UBASH3A: variants seen among roughly 807,000 people sequenced by gnomAD.
UBASH3A encodes ubiquitin-associated and SH3 domain-containing protein A.
Under a neutral mutation model 73.5 loss-of-function variants are expected in UBASH3A, and 63 were observed. The observed-to-expected ratio is 0.86, with a 90% CI of 0.70 to 1.06. UBASH3A has a LOEUF of 1.06. Among genes scored for constraint, UBASH3A ranks in the 50% least tolerant of loss-of-function variants. The probability of loss-of-function intolerance (pLI) is 0.00; values close to 1 mark genes in which losing one functional copy is unlikely to be tolerated. For missense variants in UBASH3A, 860 were observed against 859.0 expected (o/e 1.00, Z -0.02); for synonymous variants, 363 against 351.1 (o/e 1.03, Z -0.38).
chr21:42,425,393 G>A (rs987568262), intron 7 of UBASH3A, among the ~76,000 whole-genome samples: 5 of 152,206 alleles, frequency 3.3e-5, no homozygotes, highest in Admixed American at 1.3e-4. Flanking sequence ...GCGAGCCGCA[G>A]GGAGGCTGTG....
chr21:42,409,557 G>A lies in UBASH3A; in HGVS notation c.303G>A (p.Lys101=), dbSNP rs897284396. 2.5e-6 allele frequency: 4 copies of A among 1,614,086 alleles called. 1 individual carries two copies. In the Middle Eastern group the frequency reaches 5.0e-4, roughly 200 times the overall value. The stretch of plus-strand genomic sequence containing the variant: ...GAGAGAGCAAGCGCCAGTGTGCAAA[G>A]AACAGAGCTCATGAGGTCTTCCCAC... The part of the protein sequence containing the change: ...FWRESKRQCA[K]NRAHEVFPHV... The change falls in exon 3 of 15, where the codon AAG becomes AAA. Residue 101 remains lysine (K), a synonymous_variant. Transcript: ENST00000319294.
intron 3 of UBASH3A, among the ~76,000 whole-genome samples, 158 bp from the exon 4 acceptor site, chr21:42,412,866 C>T (rs1207383830): frequency 2.0e-5 from 3 of 152,190 alleles, no homozygotes; most frequent in Non-Finnish European, 2.9e-5. Flanking sequence ...TAGAACAAAT[C>T]CATAACCCCA....
intron 1 of UBASH3A, among the ~76,000 whole-genome samples, chr21:42,404,735 A>C (rs2052935125): frequency 1.3e-5 from 2 of 152,210 alleles, no homozygotes; most frequent in African/African-American, 4.8e-5. Flanking sequence ...TGCCCGGGGA[A>C]AGTCACTTGT....
intron 13 of UBASH3A, among the ~76,000 whole-genome samples, chr21:42,444,272 C>T (rs755889106): frequency 6.6e-5 from 10 of 152,202 alleles, no homozygotes; most frequent in Non-Finnish European, 1.2e-4. Context: ...AGGCAGCCAG[C>T]GACCACAGGG....
rs777187996 is a variant in UBASH3A, at chr21:42,404,005, C to A, written c.60C>A (p.Ser20Arg). Residue 20 changes from serine (S) to arginine (R), a missense_variant, in exon 1 of 15, where the codon AGC becomes AGA. Physicochemically the swap from Ser to Arg is moderately radical, Grantham distance 110. Coordinates refer to ENST00000319294, the MANE Select transcript of UBASH3A (RefSeq NM_018961.4). ...TCTCCAACAAGCTCAAGAGCCGCAG[C>A]AGCCCCTCGCTCCTGGAGCCCCTCC... ...AKVSNKLKSR[S>R]SPSLLEPLLA... 2.0e-6 allele frequency: 3 copies of A among 1,528,992 alleles called. No individual in the cohort carries two copies. The highest frequency in any genetic ancestry group is 4.0e-5 in the Admixed American group (2 of 49,414). The allele number at this position is 1,528,992 out of a possible 1,614,324, so 94.7% of individuals were successfully genotyped here. A position where few individuals can be genotyped will look rare whatever the true frequency, so the allele number is the denominator to read the frequency against.
intron 8 of UBASH3A, among the ~76,000 whole-genome samples, chr21:42,429,109 G>C (rs1237007865): frequency 1.3e-5 from 2 of 152,242 alleles, no homozygotes; most frequent in Non-Finnish European, 2.9e-5. Flanking sequence ...CATGCAGCCA[G>C]AGAGGCAGAG....
chr21:42,445,921 C>T (rs770471742), intron 14 of UBASH3A, among the ~76,000 whole-genome samples: 1 of 152,170 alleles, frequency 6.6e-6, no homozygotes, highest in African/African-American at 2.4e-5. Flanking sequence ...CCGGCACCAC[C>T]TGCTCCCAAA....
chr21:42,409,635 G>T, intron 3 of UBASH3A, 27 bp downstream of exon 3: 1 of 1,585,872 alleles, frequency 6.3e-7, no homozygotes, highest in Non-Finnish European at 8.6e-7. Context: ...TGCCTTCAAT[G>T]CTCACGGCAG....
chr21:42,405,279 GC>G (rs1313759548), intron 1 of UBASH3A, among the ~76,000 whole-genome samples: 3 of 152,194 alleles, frequency 2.0e-5, no homozygotes, highest in Non-Finnish European at 4.4e-5. Flanking sequence ...AGACAAGGCA[GC>G]TTTTGTCCAC....
intron 7 of UBASH3A, among the ~76,000 whole-genome samples, chr21:42,419,832 G>A (rs2053300958): frequency 6.6e-6 from 1 of 152,218 alleles, no homozygotes; most frequent in South Asian, 2.1e-4. Flanking sequence ...CGAATTACAT[G>A]AGATACTCAA....
intron 13 of UBASH3A, among the ~76,000 whole-genome samples, chr21:42,443,987 C>A (rs1370379164): frequency 6.6e-6 from 1 of 152,198 alleles, no homozygotes; most frequent in African/African-American, 2.4e-5. Flanking sequence ...CCTTCCCTGA[C>A]CCATCACACG....
intron 13 of UBASH3A, among the ~76,000 whole-genome samples, chr21:42,443,714 T>A (rs1322439653): frequency 6.8e-6 from 1 of 146,804 alleles, no homozygotes; most frequent in Non-Finnish European, 1.5e-5. Context: ...AACCTATGAA[T>A]GCCCCCACTT....
At chr21:42,444,704 A>G (rs765499470) in intron 14 of UBASH3A, 61 bp downstream of exon 14, 1 of 1,305,806 alleles carries the variant, frequency 7.7e-7, no homozygotes, top group East Asian at 2.3e-5. Flanking sequence ...ACACAGGTTT[A>G]TCTCATCCAC....
At chr21:42,439,917 A>G (rs1461398679) in intron 11 of UBASH3A, among the ~76,000 whole-genome samples, 1 of 138,322 alleles carries the variant, frequency 7.2e-6, no homozygotes, top group East Asian at 2.2e-4. Context: ...CACACACCTC[A>G]CACACACCAC....
intron 7 of UBASH3A, among the ~76,000 whole-genome samples, chr21:42,422,268 C>T (rs2839507): frequency 0.18 from 27,806 of 152,140 alleles, 3,354 homozygotes; most frequent in African/African-American, 0.34. Context: ...CGTAGTCACA[C>T]GTCTTTATTT....
At chr21:42,434,681 C>A in intron 9 of UBASH3A, 151 bp from the exon 10 acceptor site, 1 of 848,732 alleles carries the variant, frequency 1.2e-6, no homozygotes, top group Non-Finnish European at 1.8e-6. Context: ...AAATTGAAGC[C>A]ACGTTGCAGA....
chr21:42,405,936 C>T (rs577808813), intron 1 of UBASH3A, among the ~76,000 whole-genome samples: 42 of 140,082 alleles, frequency 3.0e-4, no homozygotes, highest in African/African-American at 1.1e-3. Context: ...AGCGTGTGTC[C>T]GAGCCAGGGG....
rs138974355 is a variant in UBASH3A at position 42,445,158 on chromosome 21, T to G, written c.1848+515T>G. 4.4e-3 allele frequency among the ~76,000 whole-genome samples: 665 copies of G among 152,292 alleles called. 5 individuals carry two copies. The highest frequency in any genetic ancestry group is 0.015 in the African/African-American group (630 of 41,588). On this transcript the variant is annotated intron_variant, in intron 14 of 14. Transcript: ENST00000319294. ...TGACAAACAGAGGATAACGCACACG[T>G]GACATCTTGGACAACCTTGATTATC...
intron 8 of UBASH3A, 113 bp from the exon 9 acceptor site, chr21:42,431,990 G>A (rs958731663): frequency 2.6e-5 from 17 of 646,926 alleles, no homozygotes; most frequent in Admixed American, 8.9e-5. Flanking sequence ...ATTGACTAAC[G>A]AAGGAAAAGA....
Sources: gnomAD v4.1 joint callset for allele counts (sites outside exome capture counted in the v4.1 genomes callset) on GRCh38, gnomAD v4.1.1 for gene constraint, MANE v1.5 for transcripts, NCBI Gene and HGNC (gene_info 2026-07-23, HGNC 2026-07-21) for gene names.